LUZP2: variants seen among roughly 807,000 people sequenced by gnomAD.
LUZP2 encodes leucine zipper protein 2.
Under a neutral mutation model 51.6 loss-of-function variants are expected in LUZP2, and 52 were observed. That is an observed-to-expected ratio of 1.01 (90% confidence interval 0.81 to 1.27). LUZP2 has a LOEUF of 1.27. Among genes scored for constraint, LUZP2 ranks in the 50% most tolerant of loss-of-function variants. The pLI, the probability that LUZP2 is intolerant of heterozygous loss-of-function variation, is 0.00. For missense variants in LUZP2, 436 were observed against 395.4 expected (o/e 1.10, Z -0.87); for synonymous variants, 154 against 137.3 (o/e 1.12, Z -0.85).
intron 5 of LUZP2, among the ~76,000 whole-genome samples, chr11:24,784,266 C>T (rs1401741126): frequency 1.3e-5 from 2 of 151,392 alleles, no homozygotes; most frequent in East Asian, 3.9e-4. Flanking sequence ...AGCTAATAAG[C>T]TTAGATCTTT....
At chr11:24,864,932 AG>A (rs1851844399) in intron 5 of LUZP2, among the ~76,000 whole-genome samples, 1 of 152,218 alleles carries the variant, frequency 6.6e-6, no homozygotes, top group Admixed American at 6.5e-5. Flanking sequence ...TCATAATTGT[AG>A]GTTTATTCAG....
intron 7 of LUZP2, among the ~76,000 whole-genome samples, chr11:24,951,361 T>C (rs1162152635): frequency 6.6e-6 from 1 of 151,586 alleles, no homozygotes; most frequent in African/African-American, 2.4e-5. Flanking sequence ...ATTCCTATTT[T>C]GTTGCAGTTG....
intron 1 of LUZP2, among the ~76,000 whole-genome samples, chr11:24,601,935 TATGTATATATGTATAA>T (rs1565019749): frequency 8.6e-6 from 1 of 116,504 alleles, no homozygotes; most frequent in African/African-American, 3.2e-5. Context: ...TATATGTATA[TATGTATATATGTATAA>T]ATGTATATAT....
intron 1 of LUZP2, among the ~76,000 whole-genome samples, chr11:24,658,731 A>T (rs1565058980): frequency 6.6e-6 from 1 of 152,216 alleles, no homozygotes; most frequent in Non-Finnish European, 1.5e-5. Flanking sequence ...TTTACAAGAA[A>T]AAAACAACCC....
At chr11:24,992,235 C>T (rs78829880) in intron 9 of LUZP2, among the ~76,000 whole-genome samples, 1 of 152,042 alleles carries the variant, frequency 6.6e-6, no homozygotes, top group East Asian at 1.9e-4. Context: ...AAGAAAATCA[C>T]ACTTAGTGGG....
chr11:24,761,094 A>C (rs1344170727), intron 4 of LUZP2, among the ~76,000 whole-genome samples: 3 of 152,266 alleles, frequency 2.0e-5, no homozygotes, highest in East Asian at 3.9e-4. Flanking sequence ...CCTGTGTATT[A>C]ATCTGTTCTT....
intron 5 of LUZP2, among the ~76,000 whole-genome samples, chr11:24,865,575 G>A (rs1434711072): frequency 6.6e-6 from 1 of 152,070 alleles, no homozygotes; most frequent in Non-Finnish European, 1.5e-5. Flanking sequence ...GATTACCAAA[G>A]TCAGCTCCTG....
At chr11:24,614,784 T>C (rs1045509501) in intron 1 of LUZP2, among the ~76,000 whole-genome samples, 5 of 152,024 alleles carry the variant, frequency 3.3e-5, no homozygotes, top group Admixed American at 2.6e-4. Flanking sequence ...TCCATTACTA[T>C]CTTTTGCTTT....
intron 9 of LUZP2, among the ~76,000 whole-genome samples, chr11:25,021,312 A>AG (rs1491027577): frequency 6.9e-6 from 1 of 144,226 alleles, no homozygotes; most frequent in East Asian, 2.0e-4. Context: ...GAAAAAAAAA[A>AG]AGGATGTTTT....
chr11:25,041,891 A>G (rs912432398), intron 9 of LUZP2, among the ~76,000 whole-genome samples: 1 of 152,188 alleles, frequency 6.6e-6, no homozygotes, highest in Non-Finnish European at 1.5e-5. Flanking sequence ...TTAGATTCTC[A>G]TAGGAGGGGA....
intron 1 of LUZP2, among the ~76,000 whole-genome samples, chr11:24,497,626 A>G (rs1299535722): frequency 6.6e-6 from 1 of 152,216 alleles, no homozygotes; most frequent in African/African-American, 2.4e-5. Context: ...AGAACAAAAT[A>G]AAGAACGGAA....
At chr11:24,685,310 G>C (rs1042970556) in intron 1 of LUZP2, among the ~76,000 whole-genome samples, 2 of 151,956 alleles carry the variant, frequency 1.3e-5, no homozygotes, top group South Asian at 4.2e-4. Context: ...AATTCTAGGG[G>C]CATGGCAAGT....
intron 1 of LUZP2, among the ~76,000 whole-genome samples, chr11:24,666,602 T>G (rs1565064660): frequency 6.6e-6 from 1 of 152,136 alleles, no homozygotes; most frequent in Non-Finnish European, 1.5e-5. Flanking sequence ...TTTCTAGCAT[T>G]ATCTATAAAA....
At chr11:25,051,207 C>T (rs958260923) in intron 10 of LUZP2, among the ~76,000 whole-genome samples, 1 of 152,046 alleles carries the variant, frequency 6.6e-6, no homozygotes, top group South Asian at 2.1e-4. Flanking sequence ...CTCCCAACTA[C>T]TCGGGAGGCT....
intron 1 of LUZP2, among the ~76,000 whole-genome samples, chr11:24,699,230 C>T (rs1347805997): frequency 1.3e-5 from 2 of 152,060 alleles, no homozygotes; most frequent in Non-Finnish European, 2.9e-5. Context: ...CTTTCTTCCA[C>T]CCACGCTTCA....
chr11:24,882,934 A>G (rs957826320), intron 5 of LUZP2, among the ~76,000 whole-genome samples: 19 of 148,182 alleles, frequency 1.3e-4, no homozygotes, highest in Non-Finnish European at 2.7e-4. Context: ...GAACGAAAGA[A>G]AGAAAGAGAA....
intron 1 of LUZP2, among the ~76,000 whole-genome samples, chr11:24,515,351 T>C (rs556988926): frequency 3.3e-4 from 49 of 149,096 alleles, no homozygotes; most frequent in African/African-American, 1.2e-3. Context: ...TAAATGACAC[T>C]TTTTACAACC....
At chr11:24,637,569 C>A (rs2133938633) in intron 1 of LUZP2, among the ~76,000 whole-genome samples, 1 of 151,912 alleles carries the variant, frequency 6.6e-6, no homozygotes, top group Non-Finnish European at 1.5e-5. Flanking sequence ...CTTTTCCCTT[C>A]AAGGAATAAC....
chr11:24,743,627 A>T (rs1461351818), intron 4 of LUZP2, among the ~76,000 whole-genome samples: 2 of 152,062 alleles, frequency 1.3e-5, no homozygotes, highest in African/African-American at 2.4e-5. Flanking sequence ...TGATAATATC[A>T]TCAGCAAACA....
Sources: gnomAD v4.1 joint callset for allele counts (sites outside exome capture counted in the v4.1 genomes callset) on GRCh38, gnomAD v4.1.1 for gene constraint, MANE v1.5 for transcripts, NCBI Gene and HGNC (gene_info 2026-07-23, HGNC 2026-07-21) for gene names.